Variants in ASB4 observed in about 807,000 individuals in gnomAD.
ASB4 encodes the protein ankyrin repeat and SOCS box protein 4.
ASB4 carries 35 observed loss-of-function variants against 38.6 expected under a neutral mutation model. That is an observed-to-expected ratio of 0.91 (90% CI 0.69 to 1.20). The LOEUF (loss-of-function observed/expected upper bound fraction) is 1.20. Ranked by LOEUF, ASB4 falls within the 50% of genes most tolerant of loss-of-function variation. ASB4 has a pLI of 0.00. For missense variants in ASB4, 557 were observed against 527.2 expected, an observed-to-expected ratio of 1.06 and a Z score of -0.55; for synonymous variants, 195 against 201.3, an observed-to-expected ratio of 0.97 and a Z score of 0.26.
intron 1 of ASB4, 120 bp from the exon 2 acceptor site, chr7:95,495,638 C>T: frequency 3.0e-6 from 3 of 996,054 alleles, no homozygotes; most frequent in East Asian, 2.6e-5. Context: ...GTCATCCCCT[C>T]TCCACCCCAC....
intron 1 of ASB4, among the ~76,000 whole-genome samples, chr7:95,480,655 T>C (rs1031802680): frequency 2.0e-5 from 3 of 152,198 alleles, no homozygotes; most frequent in Non-Finnish European, 2.9e-5. Context: ...GCTAAGTGAC[T>C]GAGCCACTTT....
At chr7:95,540,864 T>G (rs1163320256), downstream of ASB4, among the ~76,000 whole-genome samples, 24 of 152,206 alleles carry the variant, frequency 1.6e-4, no homozygotes, top group Admixed American at 1.6e-3. Context: ...ACGATGATTG[T>G]AGGGATAAGA....
intron 2 of ASB4, among the ~76,000 whole-genome samples, chr7:95,500,579 A>G (rs1329704164): frequency 2.0e-5 from 3 of 150,038 alleles, no homozygotes; most frequent in Non-Finnish European, 4.4e-5. Flanking sequence ...AAAAAAAAAA[A>G]AAAAAAAAAA....
At chr7:95,537,446 G>A (rs1233474290) in intron 4 of ASB4, 125 bp from the exon 5 acceptor site, 3 of 666,696 alleles carry the variant, frequency 4.5e-6, no homozygotes, top group Admixed American at 3.0e-5. Flanking sequence ...TTTAATTTTT[G>A]CCTCACCAAT....
In ASB4 at chr7:95,507,209, T is replaced by A. The variant is rs376007087; in HGVS notation, c.487+11152T>A. Among the ~76,000 whole-genome samples, 5 of 151,964 alleles carry A rather than the reference T, an allele frequency of 3.3e-5. No individual in the cohort carries two copies. In the South Asian group the frequency reaches 1.0e-3, roughly 31 times the overall value. On this transcript the variant is annotated intron_variant, in intron 2 of 4. Coordinates refer to ENST00000325885, the MANE Select transcript of ASB4 (RefSeq NM_016116.3). ...CATCTGAGGAATCTCTGACATAGTC[T>A]CTTATGAATTTTTTTTTCCTTGAGA...
At chr7:95,545,435 A>AT in the ASB4 span, among the ~76,000 whole-genome samples, 1 of 152,068 alleles carries the variant, frequency 6.6e-6, no homozygotes, top group Non-Finnish European at 1.5e-5. Flanking sequence ...AAGGAAAAAA[A>AT]CAACATTGCA....
At chr7:95,508,300 G>A (rs1790437389) in intron 2 of ASB4, among the ~76,000 whole-genome samples, 1 of 152,026 alleles carries the variant, frequency 6.6e-6, no homozygotes. Flanking sequence ...TGATGTGTGT[G>A]GTGGGAAGGC....
chr7:95,480,768 A>G (rs1295788216), intron 1 of ASB4, among the ~76,000 whole-genome samples: 1 of 152,222 alleles, frequency 6.6e-6, no homozygotes, highest in African/African-American at 2.4e-5. Context: ...ATCCACAGAA[A>G]CCATGAGAGA....
intron 3 of ASB4, chr7:95,528,779 A>G: frequency 1.3e-6 from 1 of 785,784 alleles, no homozygotes; most frequent in Non-Finnish European, 1.6e-6. Context: ...TATGTATAAT[A>G]AATAAGCACA....
At position 95,527,865 on chromosome 7, in the gene ASB4, C is replaced by T. The variant is rs141112072; in HGVS notation, c.540C>T (p.His180=). 2.2e-5 allele frequency: 36 copies of T among 1,612,774 alleles called. No homozygotes were observed. In the African/African-American group the frequency reaches 4.4e-4, roughly 20 times the overall value. Residue 180 remains histidine, a synonymous_variant, in exon 3 of 5, where the codon CAC becomes CAT. Coordinates refer to ENST00000325885, the MANE Select transcript of ASB4 (RefSeq NM_016116.3). ...TNNQDEETPL[H]TAAHFGLSEL... ...ACCAAGATGAGGAGACGCCCTTGCA[C>T]ACGGCTGCCCACTTCGGCCTTTCGG...
Position 95,528,128 on chromosome 7 carries a change from T to A in ASB4, c.803T>A (p.Met268Lys). ...KAAWNCDHVLMHMMLEAGAEA... is the reference protein window; with the variant it reads ...KAAWNCDHVLKHMMLEAGAEA... ...GCCTGGAACTGTGACCACGTGCTCA[T>A]GCACATGATGCTGGAAGCTGGCGCC... The change falls in exon 3 of 5, where the codon ATG (methionine) becomes AAG (lysine). Residue 268 changes from methionine (M) to lysine (K), a missense_variant. Transcript: ENST00000325885. 6.2e-7 allele frequency: 1 copy of A among 1,614,210 alleles called. No individual in the cohort carries two copies. Among genetic ancestry groups the A allele is most frequent in the South Asian group, 1.1e-5 (1 of 91,084 alleles).
At chr7:95,518,333 C>T (rs1396014188) in intron 2 of ASB4, among the ~76,000 whole-genome samples, 1 of 152,208 alleles carries the variant, frequency 6.6e-6, no homozygotes, top group Non-Finnish European at 1.5e-5. Flanking sequence ...TTTTTAAAGT[C>T]TTCTTCTCCC....
intron 3 of ASB4, among the ~76,000 whole-genome samples, chr7:95,531,142 A>G (rs1418391834): frequency 6.6e-6 from 1 of 152,118 alleles, no homozygotes. Flanking sequence ...GGTGCCAAAC[A>G]TTTCTTTCCT....
At chr7:95,480,769 C>A (rs1790015762) in intron 1 of ASB4, among the ~76,000 whole-genome samples, 1 of 152,166 alleles carries the variant, frequency 6.6e-6, no homozygotes, top group African/African-American at 2.4e-5. Context: ...TCCACAGAAA[C>A]CATGAGAGAT....
chr7:95,507,604 G>A (rs558813594), intron 2 of ASB4, among the ~76,000 whole-genome samples: 2 of 152,306 alleles, frequency 1.3e-5, no homozygotes, highest in African/African-American at 4.8e-5. Context: ...GGAGACCAGA[G>A]ACTGTTTTGC....
rs1427382757 is a variant in ASB4, at chr7:95,486,091, G to A, written c.120G>A (p.Arg40=). The change falls in exon 1 of 5, where the codon AGG becomes AGA. Residue 40 remains arginine (R), a synonymous_variant. Coordinates refer to ENST00000325885, the MANE Select transcript of ASB4 (RefSeq NM_016116.3). ...FGKLKAILIQ[R]QIDVDTVFEV... is the part of the protein sequence containing the mutation. ...AATTGAAGGCTATTTTGATCCAAAGGCAAATAGATGTGGACACTGTTTTTG... is the reference window on the plus strand; with the variant it reads ...AATTGAAGGCTATTTTGATCCAAAGACAAATAGATGTGGACACTGTTTTTG... The A allele has an allele frequency of 2.5e-6, 4 of 1,613,940 alleles. No individual in the cohort carries two copies. Among genetic ancestry groups the A allele is most frequent in the African/African-American group, 2.7e-5 (2 of 74,880 alleles).
At chr7:95,489,332 C>A (rs1464274002) in intron 1 of ASB4, among the ~76,000 whole-genome samples, 1 of 152,158 alleles carries the variant, frequency 6.6e-6, no homozygotes, top group Non-Finnish European at 1.5e-5. Flanking sequence ...CTCTGTAGCA[C>A]TGGGCCCATC....
chr7:95,472,052 A>G, the ASB4 span: 2,047 of 152,340 alleles, frequency 0.013, 26 homozygotes, highest in Non-Finnish European at 0.021. Flanking sequence ...TCATACTCAC[A>G]GCAAAAGGAG....
At chr7:95,519,365 C>T (rs1790628907) in intron 2 of ASB4, among the ~76,000 whole-genome samples, 1 of 152,166 alleles carries the variant, frequency 6.6e-6, no homozygotes, top group Admixed American at 6.5e-5. Flanking sequence ...ATAGATGTTT[C>T]TAAATAATTC....
Sources: allele counts gnomAD v4.1 joint callset (sites outside exome capture counted in the v4.1 genomes callset), GRCh38; gene constraint gnomAD v4.1.1; transcripts MANE v1.5; gene names NCBI Gene and HGNC (gene_info 2026-07-23, HGNC 2026-07-21).